ZNF688: variants seen among roughly 807,000 people sequenced by gnomAD.
ZNF688 encodes the protein zinc finger protein 688.
ZNF688 carries 10 observed loss-of-function variants against 13.2 expected under a neutral mutation model. The observed-to-expected ratio is 0.76, with a 90% confidence interval of 0.47 to 1.28. ZNF688 has a LOEUF of 1.28. Ranked by LOEUF, ZNF688 falls within the 50% of genes most tolerant of loss-of-function variation. ZNF688 has a pLI of 0.00. For synonymous variants in ZNF688, 160 were observed against 159.4 expected (o/e 1.00, Z -0.03); for missense variants, 381 against 391.4 (o/e 0.97, Z 0.22).
chr16:30,571,205 C>A (rs759541123), intron 1 of ZNF688, 82 bp from the exon 2 acceptor site: 1 of 1,524,586 alleles, frequency 6.6e-7, no homozygotes, highest in Non-Finnish European at 8.8e-7. Context: ...GAGGGCACCC[C>A]CTCGGAGCTT....
Position 30,571,163 on chromosome 16 carries a change from C to T in ZNF688, c.197-40G>A, listed in dbSNP as rs771568541. 6 of 1,547,922 alleles carry T rather than the reference C, an allele frequency of 3.9e-6. No individual in the cohort carries two copies. In the African/African-American group the frequency reaches 5.5e-5, roughly 14 times the overall value. On this transcript the variant is annotated intron_variant, in intron 1 of 2. Coordinates refer to ENST00000223459, the MANE Select transcript of ZNF688 (RefSeq NM_145271.4). The stretch of plus-strand genomic sequence containing the variant: ...GGATCACAGCGCGGGCCTGAGAGGC[C>T]ATCGTGGGAAGATGGCATTCCCCTC...
At chr16:30,575,903 ACCT>A (rs1290174815), upstream of ZNF688, among the ~76,000 whole-genome samples, 2 of 150,020 alleles carry the variant, frequency 1.3e-5, no homozygotes, top group Non-Finnish European at 3.0e-5. Flanking sequence ...TGATCCACCC[ACCT>A]CAGCCTCCCA....
At chr16:30,578,305 A>G in the ZNF688 span, 1 of 152,242 alleles carries the variant, frequency 6.6e-6, no homozygotes, top group African/African-American at 2.4e-5. Context: ...ACTGCATTCC[A>G]GCCTAGGCTA....
upstream of ZNF688, among the ~76,000 whole-genome samples, chr16:30,573,150 T>G (rs2051712337): frequency 6.6e-6 from 1 of 152,142 alleles, no homozygotes; most frequent in Non-Finnish European, 1.5e-5. Flanking sequence ...CAGGTGATCC[T>G]CCCGCCTCAG....
In ZNF688 at chr16:30,571,711, A is replaced by C. The variant is rs2051689314; in HGVS notation, c.-82T>G. ...CTCCCGGCCTCAGCTGTCGTTGTCC[A>C]CAGGAAGGGCGGCCCCGCCCAGCCG... On this transcript the variant is annotated 5_prime_UTR_variant, in exon 1 of 3. Coordinates refer to ENST00000223459, the MANE Select transcript of ZNF688 (RefSeq NM_145271.4). 5 of 1,349,102 alleles carry C rather than the reference A, an allele frequency of 3.7e-6. No individual in the cohort carries two copies. The highest frequency in any genetic ancestry group is 4.7e-6 in the Non-Finnish European group (5 of 1,056,302). The allele number at this position is 1,349,102 out of a possible 1,614,324, so 83.6% of individuals were successfully genotyped here.
At position 30,570,995 on chromosome 16, in the gene ZNF688, G is replaced by A. The variant is rs758475784; in HGVS notation, c.310+15C>T. ...CCTGGAAAACCAAGTGGGGGGACCC[G>A]GGACTATCCCTCACCTCTCCGAGCT... On this transcript the variant is annotated intron_variant, in intron 2 of 2. Transcript: ENST00000223459. 3.5e-5 allele frequency: 56 copies of A among 1,613,574 alleles called. No homozygotes were observed. The highest frequency in any genetic ancestry group is 1.7e-4 in the Middle Eastern group (1 of 6,054).
chr16:30,572,895 G>A (rs1256037946), upstream of ZNF688, among the ~76,000 whole-genome samples: 2 of 151,600 alleles, frequency 1.3e-5, no homozygotes, highest in Non-Finnish European at 2.9e-5. Flanking sequence ...CTTTGAGAAG[G>A]AGTTTTACTC....
At chr16:30,576,799 C>T (rs1245056566), upstream of ZNF688, among the ~76,000 whole-genome samples, 2 of 152,030 alleles carry the variant, frequency 1.3e-5, no homozygotes, top group Non-Finnish European at 2.9e-5. Flanking sequence ...GACAGGTTCT[C>T]ACTCTGTCAC....
Position 30,570,403 on chromosome 16 carries a change from T to C in ZNF688, c.344A>G (p.Glu115Gly), listed in dbSNP as rs2051656410. Residue 115 changes from glutamate (E) to glycine (G), a missense_variant, in exon 3 of 3, where the codon GAG (glutamate) becomes GGG (glycine). Glu to Gly is a moderately conservative substitution (Grantham distance 98, BLOSUM62 -2). Coordinates refer to ENST00000223459, the MANE Select transcript of ZNF688 (RefSeq NM_145271.4). ...DVPNRKEEEP[E>G]EVPRAKGPRK... ...AGGCCCTTTGGCTCTTGGGACTTCC[T>C]CCGGTTCCTCTTCCTTCCTGTTTGG... The C allele has an allele frequency of 1.9e-6, 3 of 1,613,210 alleles. No homozygotes were observed. The highest frequency in any genetic ancestry group is 4.5e-5 in the East Asian group (2 of 44,896).
At chr16:30,576,554 T>C (rs779954694), upstream of ZNF688, among the ~76,000 whole-genome samples, 53 of 152,044 alleles carry the variant, frequency 3.5e-4, no homozygotes, top group Non-Finnish European at 6.6e-4. Flanking sequence ...AGTTTCACCA[T>C]GTTGGGAAGG....
At chr16:30,577,597 A>C (rs2151234118), upstream of ZNF688, among the ~76,000 whole-genome samples, 1 of 151,050 alleles carries the variant, frequency 6.6e-6, no homozygotes, top group South Asian at 2.1e-4. Context: ...GATGCTCTTG[A>C]TCTCCTGACC....
At chr16:30,571,864 CCG>C (rs1274023946), upstream of ZNF688, 1 of 1,281,968 alleles carries the variant, frequency 7.8e-7, no homozygotes, top group Non-Finnish European at 9.8e-7. Context: ...ACATAGACAC[CCG>C]GGTTAAGGGA....
upstream of ZNF688, chr16:30,571,866 G>A (rs2051692431): frequency 2.3e-6 from 3 of 1,280,248 alleles, no homozygotes; most frequent in East Asian, 6.2e-5. Context: ...ATAGACACCC[G>A]GGTTAAGGGA....
chr16:30,578,614 C>T, the ZNF688 span: 3 of 152,246 alleles, frequency 2.0e-5, no homozygotes, highest in Non-Finnish European at 4.4e-5. Context: ...ACCTCCGCCT[C>T]CTGGGGTCAA....
chr16:30,573,369 G>A (rs1250366197), upstream of ZNF688, among the ~76,000 whole-genome samples: 2 of 151,932 alleles, frequency 1.3e-5, no homozygotes, highest in Admixed American at 1.3e-4. Context: ...TCCCCTTCCT[G>A]CTGTCCTGGG....
At chr16:30,575,669 T>A (rs2051738973), upstream of ZNF688, among the ~76,000 whole-genome samples, 1 of 152,106 alleles carries the variant, frequency 6.6e-6, no homozygotes, top group Non-Finnish European at 1.5e-5. Context: ...TTCTTTTTTT[T>A]TTTGGAGAAG....
chr16:30,573,926 G>T, upstream of ZNF688: 1 of 328,712 alleles, frequency 3.0e-6, no homozygotes, highest in Non-Finnish European at 5.9e-6. Context: ...TATATCCTTA[G>T]AAATGAGTAT....
chr16:30,570,194 A>G lies in ZNF688; in HGVS notation c.553T>C (p.Cys185Arg), dbSNP rs748259231. ...GTGAAGCGGCGGCCGCAGTCCGTGC[A>G]CACGTGGCGCCGCTGGCCGGCCTGA... ...DAQAGQRRHV[C>R]TDCGRRFTYP... is the part of the protein sequence containing the mutation. The change falls in exon 3 of 3, where the codon TGC becomes CGC. Residue 185 changes from cysteine (C) to arginine (R), a missense_variant. Coordinates refer to ENST00000223459, the MANE Select transcript of ZNF688 (RefSeq NM_145271.4). 6.2e-7 allele frequency: 1 copy of G among 1,611,904 alleles called. No homozygotes were observed.
At chr16:30,576,214 ATTTT>A (rs2051745561), upstream of ZNF688, among the ~76,000 whole-genome samples, 1 of 150,116 alleles carries the variant, frequency 6.7e-6, no homozygotes, top group African/African-American at 2.5e-5. Context: ...TGCCCAGCTA[ATTTT>A]TTTGTTTGTT....
Sources: allele counts gnomAD v4.1 joint callset (sites outside exome capture counted in the v4.1 genomes callset), GRCh38; gene constraint gnomAD v4.1.1; transcripts MANE v1.5; gene names NCBI Gene and HGNC (gene_info 2026-07-23, HGNC 2026-07-21).